DOCK2: variants seen among roughly 807,000 people sequenced by gnomAD.
DOCK2 encodes dedicator of cytokinesis 2.
In DOCK2, 87 loss-of-function variants were observed where a neutral mutation model predicts 248.9. That is an observed-to-expected ratio of 0.35 (90% CI 0.29 to 0.42). DOCK2 has a LOEUF of 0.42. DOCK2 is among the 10% of genes least tolerant of loss of function. The pLI is 1.00. For synonymous variants in DOCK2, 805 were observed against 821.6 expected (o/e 0.98, Z 0.35); for missense variants, 1,747 against 2,300.2 (o/e 0.76, Z 4.92).
chr5:169,950,508 G>C (rs1776616778), intron 27 of DOCK2, among the ~76,000 whole-genome samples: 1 of 152,140 alleles, frequency 6.6e-6, no homozygotes, highest in African/African-American at 2.4e-5. Flanking sequence ...TTGAGTTTTG[G>C]GCCACACAAC....
chr5:170,055,857 T>C (rs1425142382), intron 42 of DOCK2, among the ~76,000 whole-genome samples: 11 of 152,148 alleles, frequency 7.2e-5, no homozygotes, highest in African/African-American at 2.4e-4. Context: ...AAAGGAACAG[T>C]AGAGGAAGTG....
At chr5:169,825,993 C>A (rs1007637188) in intron 26 of DOCK2, among the ~76,000 whole-genome samples, 1 of 151,676 alleles carries the variant, frequency 6.6e-6, no homozygotes, top group African/African-American at 2.4e-5. Context: ...GAAGAGATGA[C>A]GTAGCACATC....
chr5:169,865,473 GGGGCA>G (rs1388804450), intron 27 of DOCK2, among the ~76,000 whole-genome samples: 1 of 152,154 alleles, frequency 6.6e-6, no homozygotes, highest in African/African-American at 2.4e-5. Flanking sequence ...CCAGAGAGCC[GGGGCA>G]GAAAAAACGA....
intron 26 of DOCK2, among the ~76,000 whole-genome samples, chr5:169,829,975 A>G (rs1344332214): frequency 6.6e-6 from 1 of 152,224 alleles, no homozygotes; most frequent in Non-Finnish European, 1.5e-5. Context: ...GCTATCTCCT[A>G]TTCTATTGTG....
chr5:169,861,376 T>A (rs1771185321), intron 27 of DOCK2, among the ~76,000 whole-genome samples: 1 of 152,208 alleles, frequency 6.6e-6, no homozygotes, highest in South Asian at 2.1e-4. Context: ...TTACAAAACC[T>A]TACATCAGTA....
chr5:169,819,011 A>G (rs924645038), intron 26 of DOCK2, among the ~76,000 whole-genome samples: 4 of 152,172 alleles, frequency 2.6e-5, no homozygotes, highest in Admixed American at 1.3e-4. Flanking sequence ...GACTTCCCAC[A>G]CCTAATACAG....
chr5:169,685,220 G>T (rs1354806311), intron 8 of DOCK2, among the ~76,000 whole-genome samples: 1 of 152,234 alleles, frequency 6.6e-6, no homozygotes, highest in African/African-American at 2.4e-5. Context: ...TGCCTGTACT[G>T]CAAGGGGCAG....
At chr5:169,666,674 C>A (rs1451307559) in intron 2 of DOCK2, among the ~76,000 whole-genome samples, 1 of 152,106 alleles carries the variant, frequency 6.6e-6, no homozygotes, top group Non-Finnish European at 1.5e-5. Context: ...AGTAAAAATG[C>A]CAGAAAAAAG....
intron 51 of DOCK2, 35 bp downstream of exon 51, chr5:170,082,019 T>C (rs760705568): frequency 3.7e-6 from 6 of 1,607,848 alleles, no homozygotes; most frequent in South Asian, 1.1e-5. Flanking sequence ...AAGGAAGGCA[T>C]TGGGAGGAGA....
At chr5:169,821,360 C>A (rs1193547683) in intron 26 of DOCK2, among the ~76,000 whole-genome samples, 1 of 152,182 alleles carries the variant, frequency 6.6e-6, no homozygotes, top group Non-Finnish European at 1.5e-5. Context: ...ATGTTAAGGG[C>A]AGCCAGAGAG....
At chr5:169,732,679 G>A (rs73318276) in intron 22 of DOCK2, among the ~76,000 whole-genome samples, 39 of 152,006 alleles carry the variant, frequency 2.6e-4, no homozygotes, top group Admixed American at 2.1e-3. Context: ...TCCCTGAAAC[G>A]TATCTCAATT....
At chr5:169,982,969 C>T in intron 27 of DOCK2, 99 bp from the exon 28 acceptor site, 3 of 1,159,170 alleles carry the variant, frequency 2.6e-6, no homozygotes, top group Non-Finnish European at 3.8e-6. Flanking sequence ...TCAGTAAATA[C>T]TTTATTGATG....
chr5:170,070,556 G>A (rs1223390106), intron 46 of DOCK2, among the ~76,000 whole-genome samples: 6 of 152,234 alleles, frequency 3.9e-5, no homozygotes, highest in African/African-American at 7.2e-5. Flanking sequence ...TTCTGGGGTC[G>A]TCATGCCCTT....
intron 27 of DOCK2, chr5:169,980,578 GAC>G (rs766021444): frequency 1.9e-3 from 287 of 150,352 alleles, no homozygotes; most frequent in African/African-American, 4.5e-3. Flanking sequence ...TGTGTGTATA[GAC>G]ACACACACAC....
chr5:169,772,711 T>C (rs1765158650), intron 25 of DOCK2, among the ~76,000 whole-genome samples: 1 of 152,212 alleles, frequency 6.6e-6, no homozygotes, highest in South Asian at 2.1e-4. Context: ...TTTCACATAA[T>C]ACCATTTAGT....
chr5:169,985,399 G>T (rs1374070654), intron 28 of DOCK2, among the ~76,000 whole-genome samples: 2 of 150,338 alleles, frequency 1.3e-5, no homozygotes, highest in Non-Finnish European at 3.0e-5. Flanking sequence ...GTGTGTATGT[G>T]TGTGACATAT....
intron 44 of DOCK2, among the ~76,000 whole-genome samples, chr5:170,057,942 G>C (rs1757193268): frequency 6.6e-6 from 1 of 152,042 alleles, no homozygotes. Context: ...TGGGTGGGTG[G>C]GGTGTAGCAG....
intron 22 of DOCK2, among the ~76,000 whole-genome samples, chr5:169,731,058 C>T (rs1337522686): frequency 6.6e-6 from 1 of 151,988 alleles, no homozygotes; most frequent in Non-Finnish European, 1.5e-5. Flanking sequence ...TGTGGAGATG[C>T]AGTCTCACTG....
intron 27 of DOCK2, among the ~76,000 whole-genome samples, chr5:169,841,927 C>T (rs535679052): frequency 6.6e-6 from 1 of 152,226 alleles, no homozygotes; most frequent in South Asian, 2.1e-4. Flanking sequence ...AGCAGGTGCT[C>T]AGTAAATACG....
Sources: allele counts gnomAD v4.1 joint callset (sites outside exome capture counted in the v4.1 genomes callset), GRCh38; gene constraint gnomAD v4.1.1; transcripts MANE v1.5; gene names NCBI Gene and HGNC (gene_info 2026-07-23, HGNC 2026-07-21).